GNG2: variants seen among roughly 807,000 people sequenced by gnomAD.
The protein encoded by GNG2 is guanine nucleotide-binding protein G(I)/G(S)/G(O) subunit gamma-2.
Under a neutral mutation model 5.5 loss-of-function variants are expected in GNG2, and 5 were observed. The ratio of observed to expected loss-of-function variants is 0.91; its 90% CI spans 0.48 to 1.92. GNG2 has a LOEUF of 1.92. Ranked by LOEUF, GNG2 falls within the 30% of genes most tolerant of loss-of-function variation. The pLI is 0.01. For missense variants in GNG2, 55 were observed against 88.4 expected (o/e 0.62, Z 1.52); for synonymous variants, 28 against 32.0 (o/e 0.88, Z 0.42).
chr14:51,944,498 G>A (rs1275237732), intron 2 of GNG2, among the ~76,000 whole-genome samples: 1 of 152,156 alleles, frequency 6.6e-6, no homozygotes, highest in Non-Finnish European at 1.5e-5. Flanking sequence ...TGAGGGTTAA[G>A]CTTTCACATG....
At chr14:51,887,530 GA>G (rs770571822) in intron 2 of GNG2, among the ~76,000 whole-genome samples, 1 of 152,176 alleles carries the variant, frequency 6.6e-6, no homozygotes, top group Non-Finnish European at 1.5e-5. Flanking sequence ...CAAAATGATG[GA>G]CAAAACAAAT....
At chr14:51,849,954 C>T (rs1285084647) in intron 2 of GNG2, among the ~76,000 whole-genome samples, 2 of 151,912 alleles carry the variant, frequency 1.3e-5, no homozygotes, top group East Asian at 1.9e-4. Flanking sequence ...GGACTATAGG[C>T]GGGTACCACC....
intron 1 of GNG2, among the ~76,000 whole-genome samples, chr14:51,872,357 G>GAGGGATTTAAGCGAA (rs1883364921): frequency 6.6e-6 from 1 of 151,370 alleles, no homozygotes; most frequent in Non-Finnish European, 1.5e-5. Flanking sequence ...TGTTAGCATC[G>GAGGGATTTAAGCGAA]AGGGATTTAA....
chr14:51,902,575 A>T (rs1885640012), intron 2 of GNG2, among the ~76,000 whole-genome samples: 2 of 152,240 alleles, frequency 1.3e-5, no homozygotes, highest in Non-Finnish European at 1.5e-5. Context: ...AATGAGATAT[A>T]GTCATATCTA....
chr14:51,863,389 G>A (rs961907606), intron 1 of GNG2, among the ~76,000 whole-genome samples: 6 of 152,162 alleles, frequency 3.9e-5, no homozygotes, highest in South Asian at 4.1e-4. Flanking sequence ...TTTTGTGTGC[G>A]GATAAGTGAG....
At chr14:51,961,653 C>T (rs1056058888) in intron 3 of GNG2, among the ~76,000 whole-genome samples, 4 of 152,114 alleles carry the variant, frequency 2.6e-5, no homozygotes, top group East Asian at 1.9e-4. Context: ...GTGGATGAGG[C>T]GATCAGTGAA....
chr14:51,954,144 C>G (rs946526725), intron 3 of GNG2, among the ~76,000 whole-genome samples: 1 of 152,120 alleles, frequency 6.6e-6, no homozygotes, highest in Non-Finnish European at 1.5e-5. Context: ...GTTTTTTAAG[C>G]CTTCTTGTTT....
At chr14:51,926,648 C>T (rs1469736575) in intron 2 of GNG2, among the ~76,000 whole-genome samples, 1 of 152,138 alleles carries the variant, frequency 6.6e-6, no homozygotes, top group East Asian at 1.9e-4. Flanking sequence ...GAAGTTGGCG[C>T]CATTTTGCAG....
chr14:51,854,879 C>T (rs928899997), intron 2 of GNG2, among the ~76,000 whole-genome samples: 1 of 152,172 alleles, frequency 6.6e-6, no homozygotes, highest in Non-Finnish European at 1.5e-5. Flanking sequence ...TGCCTTCTCC[C>T]TGCCTGTGTC....
In GNG2 at chr14:51,967,514, T is replaced by C. The variant is rs1013613079; in HGVS notation, c.*827T>C. On this transcript the variant is annotated 3_prime_UTR_variant, in exon 4 of 4. Coordinates refer to ENST00000556766, the MANE Select transcript of GNG2 (RefSeq NM_053064.5). ...AAGTTTTGTTGTTTTACTCTAAAGC[T>C]GGGAAAGGAAATGAGAGGGAAAAGA... 2 of 152,028 alleles carry C rather than the reference T, an allele frequency of 1.3e-5. No individual in the cohort carries two copies. Among genetic ancestry groups the C allele is most frequent in the Non-Finnish European group, 2.9e-5 (2 of 68,010 alleles). 9.4% of individuals were successfully genotyped at this position (152,028 alleles called of 1,614,324 possible).
At chr14:51,928,576 C>T (rs984905762) in intron 2 of GNG2, among the ~76,000 whole-genome samples, 8 of 152,138 alleles carry the variant, frequency 5.3e-5, no homozygotes, top group African/African-American at 1.9e-4. Flanking sequence ...ATCAAGGAAG[C>T]TCCTGTGGCA....
intron 3 of GNG2, among the ~76,000 whole-genome samples, chr14:51,956,343 T>C (rs550232216): frequency 6.6e-6 from 1 of 152,150 alleles, no homozygotes; most frequent in African/African-American, 2.4e-5. Context: ...CTGCTTGCTA[T>C]TGGCATTTGA....
chr14:51,923,525 GTA>G (rs977499774), intron 2 of GNG2, among the ~76,000 whole-genome samples: 2 of 145,830 alleles, frequency 1.4e-5, no homozygotes, highest in East Asian at 4.1e-4. Context: ...ATATATATGT[GTA>G]TATATATACA....
At chr14:51,838,627 G>C (rs1881404683) in intron 2 of GNG2, among the ~76,000 whole-genome samples, 1 of 152,058 alleles carries the variant, frequency 6.6e-6, no homozygotes, top group Non-Finnish European at 1.5e-5. Flanking sequence ...ATTTTTTATT[G>C]AGATACAGCA....
intron 2 of GNG2, among the ~76,000 whole-genome samples, chr14:51,919,342 G>C (rs1298806308): frequency 1.3e-5 from 2 of 152,164 alleles, no homozygotes. Flanking sequence ...TGTAAGAATA[G>C]TGCTTAAAAT....
intron 2 of GNG2, among the ~76,000 whole-genome samples, chr14:51,904,626 G>A (rs1391549119): frequency 6.6e-6 from 1 of 152,166 alleles, no homozygotes; most frequent in African/African-American, 2.4e-5. Flanking sequence ...TCACTCTAGT[G>A]TTGAGAAAGA....
At chr14:51,828,117 T>C (rs1039823633) in intron 2 of GNG2, among the ~76,000 whole-genome samples, 8 of 152,158 alleles carry the variant, frequency 5.3e-5, no homozygotes, top group Admixed American at 4.6e-4. Flanking sequence ...CTGTGGCTGA[T>C]TGTGCAGACA....
intron 2 of GNG2, among the ~76,000 whole-genome samples, chr14:51,899,815 T>A (rs982673784): frequency 3.9e-5 from 6 of 152,236 alleles, no homozygotes; most frequent in Non-Finnish European, 8.8e-5. Context: ...TTAAAGTTCA[T>A]CCACATGGTA....
chr14:51,873,314 C>T (rs1290024583), intron 1 of GNG2, among the ~76,000 whole-genome samples: 2 of 152,208 alleles, frequency 1.3e-5, no homozygotes, highest in Non-Finnish European at 2.9e-5. Context: ...AAAACAAACA[C>T]ACTCATAATC....
Sources: gnomAD v4.1 joint callset for allele counts (sites outside exome capture counted in the v4.1 genomes callset) on GRCh38, gnomAD v4.1.1 for gene constraint, MANE v1.5 for transcripts, NCBI Gene and HGNC (gene_info 2026-07-23, HGNC 2026-07-21) for gene names.